Variants in DOCK4 observed in about 807,000 individuals in gnomAD.
The protein encoded by DOCK4 is dedicator of cytokinesis protein 4.
In DOCK4, 97 loss-of-function variants were observed where a neutral mutation model predicts 268.1. That is an observed-to-expected ratio of 0.36 (90% CI 0.31 to 0.43). The LOEUF is 0.43. Ranked by LOEUF, DOCK4 falls within the 20% of genes least tolerant of loss-of-function variation. The pLI, the probability that DOCK4 is intolerant of heterozygous loss-of-function variation, is 1.00. For missense variants in DOCK4, 2,145 were observed against 2,455.7 expected (o/e 0.87, Z 2.67); for synonymous variants, 954 against 887.2 (o/e 1.08, Z -1.34).
chr7:112,111,366 C>T (rs922400368), intron 1 of DOCK4, among the ~76,000 whole-genome samples: 5 of 152,116 alleles, frequency 3.3e-5, no homozygotes, highest in African/African-American at 1.2e-4. Flanking sequence ...TTTCTGCCTT[C>T]TTCTCCTTAG....
chr7:111,858,042 A>C (rs549288776), intron 23 of DOCK4, among the ~76,000 whole-genome samples: 1 of 152,298 alleles, frequency 6.6e-6, no homozygotes, highest in South Asian at 2.1e-4. Flanking sequence ...CAGATGTTCT[A>C]GAATTTGACC....
chr7:111,810,759 G>C (rs530180191), intron 28 of DOCK4, among the ~76,000 whole-genome samples: 1 of 152,260 alleles, frequency 6.6e-6, no homozygotes, highest in African/African-American at 2.4e-5. Context: ...CACTTTGGGA[G>C]GCTGAGGCAG....
chr7:111,957,244 T>C (rs910599222), intron 8 of DOCK4, among the ~76,000 whole-genome samples: 3 of 152,192 alleles, frequency 2.0e-5, no homozygotes, highest in Non-Finnish European at 1.5e-5. Flanking sequence ...TACAAAGGGC[T>C]GATACAGAAA....
chr7:111,825,481 A>T (rs1802323655), intron 26 of DOCK4, among the ~76,000 whole-genome samples: 1 of 151,844 alleles, frequency 6.6e-6, no homozygotes, highest in Non-Finnish European at 1.5e-5. Flanking sequence ...TTGCATAGAT[A>T]GATGTGGTTA....
At chr7:111,927,476 T>G (rs1449161528) in intron 12 of DOCK4, among the ~76,000 whole-genome samples, 1 of 152,220 alleles carries the variant, frequency 6.6e-6, no homozygotes, top group African/African-American at 2.4e-5. Context: ...GGAGAGGGGC[T>G]TCTCCACATT....
intron 30 of DOCK4, among the ~76,000 whole-genome samples, chr7:111,804,611 T>G (rs1453318286): frequency 6.6e-6 from 1 of 152,100 alleles, no homozygotes; most frequent in Non-Finnish European, 1.5e-5. Context: ...ATTTTTATTT[T>G]TTTTTTGAGA....
intron 1 of DOCK4, among the ~76,000 whole-genome samples, chr7:112,014,338 G>A (rs1801624499): frequency 6.6e-6 from 1 of 152,066 alleles, no homozygotes; most frequent in Non-Finnish European, 1.5e-5. Flanking sequence ...TAGGAATTTT[G>A]TTACCTCAAT....
intron 7 of DOCK4, among the ~76,000 whole-genome samples, chr7:111,981,640 G>T (rs552551178): frequency 6.6e-6 from 1 of 152,268 alleles, no homozygotes; most frequent in Admixed American, 6.5e-5. Context: ...TCTTTGTTTT[G>T]GAAATAGTCA....
chr7:111,937,270 T>C (rs1406141586), intron 11 of DOCK4, among the ~76,000 whole-genome samples: 1 of 152,184 alleles, frequency 6.6e-6, no homozygotes, highest in Non-Finnish European at 1.5e-5. Flanking sequence ...ACAGGCACTT[T>C]CCCATGTTTG....
rs1806947967 is a variant in DOCK4 at position 111,877,003 on chromosome 7, G to T, written c.1744+27C>A. 6 of 1,436,984 alleles carry T rather than the reference G, an allele frequency of 4.2e-6. No individual in the cohort carries two copies. The Admixed American group carries it at 1.5e-4, about 37-fold the overall frequency. The allele number at this position is 1,436,984 out of a possible 1,614,324, so 89.0% of individuals were successfully genotyped here. A position where few individuals can be genotyped will look rare whatever the true frequency, so the allele number is the denominator to read the frequency against. ...ATATACATGATTATTAGGTACTAGG[G>T]CTTTCAAATAAAACATTATACATTA... On this transcript the variant is annotated intron_variant, in intron 17 of 52. Transcript: ENST00000428084.
At chr7:112,200,705 T>C (rs1820829756) in intron 1 of DOCK4, among the ~76,000 whole-genome samples, 1 of 115,466 alleles carries the variant, frequency 8.7e-6, no homozygotes, top group Non-Finnish European at 1.7e-5. Context: ...TCGTACTAGC[T>C]ACCATAACAG....
chr7:111,899,881 G>T (rs958440788), intron 15 of DOCK4, among the ~76,000 whole-genome samples: 1 of 152,188 alleles, frequency 6.6e-6, no homozygotes, highest in African/African-American at 2.4e-5. Context: ...CTGAGATTGC[G>T]CCACTGCACT....
intron 1 of DOCK4, among the ~76,000 whole-genome samples, chr7:112,112,164 T>C (rs1178221922): frequency 6.6e-6 from 1 of 152,144 alleles, no homozygotes; most frequent in Non-Finnish European, 1.5e-5. Flanking sequence ...GGGCTGGGCT[T>C]GGGTCATGGC....
intron 1 of DOCK4, among the ~76,000 whole-genome samples, chr7:112,049,016 C>T (rs745402236): frequency 3.9e-5 from 6 of 152,148 alleles, no homozygotes; most frequent in Non-Finnish European, 8.8e-5. Context: ...AATTCACTAC[C>T]AGCAGAACAG....
chr7:111,960,945 T>C (rs745406861), intron 8 of DOCK4, among the ~76,000 whole-genome samples: 8 of 152,248 alleles, frequency 5.3e-5, no homozygotes, highest in Non-Finnish European at 1.2e-4. Context: ...GACACTTATG[T>C]TGACTCCATA....
chr7:111,872,717 C>T (rs1228010586), intron 17 of DOCK4, among the ~76,000 whole-genome samples, 153 bp from the exon 18 acceptor site: 1 of 152,204 alleles, frequency 6.6e-6, no homozygotes, highest in Non-Finnish European at 1.5e-5. Context: ...GACTAGCCCT[C>T]TCTAGGATGG....
chr7:112,132,370 A>C (rs1333325028), intron 1 of DOCK4, among the ~76,000 whole-genome samples: 1 of 152,142 alleles, frequency 6.6e-6, no homozygotes, highest in Non-Finnish European at 1.5e-5. Flanking sequence ...TATCACAAAC[A>C]AAAGAGTGGA....
intron 1 of DOCK4, among the ~76,000 whole-genome samples, chr7:112,066,607 C>CACGT (rs1554433146): frequency 1.4e-3 from 170 of 122,954 alleles, no homozygotes; most frequent in African/African-American, 6.2e-3. Context: ...CATATATACA[C>CACGT]GTGTATACAT....
At chr7:111,861,006 G>A (rs1237357845) in intron 23 of DOCK4, among the ~76,000 whole-genome samples, 1 of 152,150 alleles carries the variant, frequency 6.6e-6, no homozygotes, top group African/African-American at 2.4e-5. Context: ...AGAATTATCT[G>A]GTCAGTGTGG....
Sources: gnomAD v4.1 joint callset for allele counts (sites outside exome capture counted in the v4.1 genomes callset) on GRCh38, gnomAD v4.1.1 for gene constraint, MANE v1.5 for transcripts, NCBI Gene and HGNC (gene_info 2026-07-23, HGNC 2026-07-21) for gene names.